The following PTK2 variants were observed in gnomAD, a reference collection of about 807,000 sequenced individuals.
The protein encoded by PTK2 is focal adhesion kinase 1.
Under a neutral mutation model 150.1 loss-of-function variants are expected in PTK2, and 45 were observed. The observed-to-expected ratio is 0.30, with a 90% confidence interval of 0.24 to 0.38. The LOEUF (loss-of-function observed/expected upper bound fraction) is 0.38. Ranked by LOEUF, PTK2 falls within the 10% of genes least tolerant of loss-of-function variation. The pLI is 1.00. For synonymous variants in PTK2, 432 were observed against 449.2 expected, an observed-to-expected ratio of 0.96 and a Z score of 0.48; for missense variants, 919 against 1,307.3, an observed-to-expected ratio of 0.70 and a Z score of 4.58.
intron 1 of PTK2, among the ~76,000 whole-genome samples, chr8:140,962,259 G>T (rs2100183507): frequency 7.6e-6 from 1 of 131,134 alleles, no homozygotes; most frequent in South Asian, 2.6e-4. Flanking sequence ...AAGGGAGGAA[G>T]GGAAGAAGGG....
At chr8:140,802,612 C>G (rs2100095778) in intron 11 of PTK2, among the ~76,000 whole-genome samples, 1 of 152,210 alleles carries the variant, frequency 6.6e-6, no homozygotes, top group Admixed American at 6.5e-5. Flanking sequence ...CTCACTGACT[C>G]ACCCACAGCA....
At chr8:140,810,965 C>G (rs2100101192) in intron 10 of PTK2, among the ~76,000 whole-genome samples, 1 of 152,214 alleles carries the variant, frequency 6.6e-6, no homozygotes, top group Non-Finnish European at 1.5e-5. Context: ...AACCCCCCAC[C>G]CAAACCGTGC....
intron 2 of PTK2, among the ~76,000 whole-genome samples, chr8:140,916,387 C>A (rs1457990555): frequency 6.6e-6 from 1 of 152,202 alleles, no homozygotes; most frequent in East Asian, 1.9e-4. Flanking sequence ...TCTGTTCCAG[C>A]CACAATGCCA....
At chr8:140,799,309 T>G (rs1295076552) in intron 12 of PTK2, 1 of 152,324 alleles carries the variant, frequency 6.6e-6, no homozygotes, top group African/African-American at 2.4e-5. Context: ...CGTTTCTATC[T>G]GCTTCACTTG....
chr8:140,793,304 T>G, intron 13 of PTK2, 50 bp downstream of exon 13: 2 of 1,580,178 alleles, frequency 1.3e-6, no homozygotes, highest in Non-Finnish European at 1.7e-6. Context: ...AGAAATTTCC[T>G]TAAACTTTCC....
chr8:140,874,500 T>C (rs10101334), intron 4 of PTK2, among the ~76,000 whole-genome samples: 4 of 152,034 alleles, frequency 2.6e-5, no homozygotes, highest in East Asian at 1.9e-4. Context: ...AGAAAAAAAT[T>C]TGTCATGTTC....
chr8:140,973,256 C>T (rs533220260), intron 1 of PTK2, among the ~76,000 whole-genome samples: 4 of 152,254 alleles, frequency 2.6e-5, no homozygotes, highest in East Asian at 3.9e-4. Context: ...CTTGGAAGCT[C>T]GTCCGATAAA....
At chr8:140,912,527 T>G (rs1330878859) in intron 2 of PTK2, among the ~76,000 whole-genome samples, 1 of 151,370 alleles carries the variant, frequency 6.6e-6, no homozygotes, top group African/African-American at 2.4e-5. Flanking sequence ...TTATAAAAAT[T>G]AAAACAGAAA....
intron 21 of PTK2, among the ~76,000 whole-genome samples, chr8:140,738,496 G>A (rs976629644): frequency 6.6e-6 from 1 of 152,146 alleles, no homozygotes; most frequent in Non-Finnish European, 1.5e-5. Flanking sequence ...AGCAGGTGAG[G>A]AGGAACAAAT....
At chr8:140,814,919 C>T (rs189607003) in intron 10 of PTK2, among the ~76,000 whole-genome samples, 143 of 152,172 alleles carry the variant, frequency 9.4e-4, no homozygotes, top group South Asian at 6.2e-3. Flanking sequence ...GGACTACAGG[C>T]GCATGCCACC....
At chr8:140,946,821 T>C (rs1215710830) in intron 1 of PTK2, among the ~76,000 whole-genome samples, 1 of 152,202 alleles carries the variant, frequency 6.6e-6, no homozygotes, top group Non-Finnish European at 1.5e-5. Context: ...CTCTGTTTGG[T>C]CTACTGATAC....
chr8:140,750,381 A>G (rs2100061972), intron 17 of PTK2: 1 of 152,258 alleles, frequency 6.6e-6, no homozygotes, highest in South Asian at 2.1e-4. Flanking sequence ...CGAAACAAAC[A>G]TGGTCCTTAT....
chr8:140,833,941 G>C (rs2100117085), intron 7 of PTK2, among the ~76,000 whole-genome samples: 1 of 152,180 alleles, frequency 6.6e-6, no homozygotes. Flanking sequence ...TATTAGGTTA[G>C]AACTGTGTTG....
At chr8:140,918,173 G>C (rs1179776053) in intron 2 of PTK2, among the ~76,000 whole-genome samples, 1 of 152,128 alleles carries the variant, frequency 6.6e-6, no homozygotes, top group Non-Finnish European at 1.5e-5. Flanking sequence ...TGCAACAGAA[G>C]GTATAAACGC....
chr8:140,949,541 T>C (rs1393492521), intron 1 of PTK2, among the ~76,000 whole-genome samples: 1 of 152,188 alleles, frequency 6.6e-6, no homozygotes, highest in African/African-American at 2.4e-5. Flanking sequence ...CAGAGCAAAG[T>C]TGTGGCTGAG....
intron 13 of PTK2, 40 bp downstream of exon 13, chr8:140,793,314 C>T: frequency 6.3e-7 from 1 of 1,583,512 alleles, no homozygotes; most frequent in Non-Finnish European, 8.6e-7. Context: ...TTAAACTTTC[C>T]AACAAAACAA....
chr8:140,661,081 TCA>T (rs1398869944), intron 31 of PTK2, among the ~76,000 whole-genome samples: 1 of 152,200 alleles, frequency 6.6e-6, no homozygotes, highest in Non-Finnish European at 1.5e-5. Context: ...CAGAAAGACT[TCA>T]CAGAGAGAAT....
chr8:140,973,729 G>A (rs764143745), intron 1 of PTK2, among the ~76,000 whole-genome samples: 9 of 152,214 alleles, frequency 5.9e-5, no homozygotes, highest in Admixed American at 3.3e-4. Context: ...TTTCCAAACA[G>A]AAAACAAAAC....
intron 17 of PTK2, among the ~76,000 whole-genome samples, chr8:140,749,389 T>A (rs942735745): frequency 2.0e-5 from 3 of 152,254 alleles, no homozygotes; most frequent in African/African-American, 7.2e-5. Flanking sequence ...AAGCCTTTCA[T>A]ATTTCCTCAG....
Sources: allele counts gnomAD v4.1 joint callset (sites outside exome capture counted in the v4.1 genomes callset), GRCh38; gene constraint gnomAD v4.1.1; transcripts MANE v1.5; gene names NCBI Gene and HGNC (gene_info 2026-07-23, HGNC 2026-07-21).